Variants in SSPN observed in about 807,000 individuals in gnomAD.
SSPN encodes K-ras oncogene-associated protein.
SSPN carries 15 observed loss-of-function variants against 19.1 expected under a neutral mutation model. The ratio of observed to expected loss-of-function variants is 0.78; its 90% CI spans 0.52 to 1.21. The LOEUF is 1.21. SSPN is among the 50% of genes most tolerant of loss of function. The pLI is 0.00. For synonymous variants in SSPN, 147 were observed against 140.3 expected (o/e 1.05, Z -0.34); for missense variants, 291 against 314.0 (o/e 0.93, Z 0.55).
chr12:26,167,787 C>G (rs1317338973), intron 1 of SSPN, among the ~76,000 whole-genome samples: 1 of 152,198 alleles, frequency 6.6e-6, no homozygotes, highest in East Asian at 1.9e-4. Context: ...AGATACTGAA[C>G]ACCCTGTTCC....
intron 1 of SSPN, among the ~76,000 whole-genome samples, chr12:26,198,934 C>G (rs761472211): frequency 1.3e-4 from 20 of 152,216 alleles, no homozygotes; most frequent in Non-Finnish European, 2.4e-4. Context: ...ATCCCTGGGG[C>G]TGAGGCTGAG....
intron 1 of SSPN, among the ~76,000 whole-genome samples, chr12:26,132,223 G>A (rs776934385): frequency 3.9e-5 from 6 of 152,178 alleles, no homozygotes; most frequent in Non-Finnish European, 8.8e-5. Flanking sequence ...AAGCTGCCCT[G>A]TGTCTAGCAT....
intron 1 of SSPN, chr12:26,124,919 A>G: frequency 1.1e-6 from 1 of 881,064 alleles, no homozygotes; most frequent in Non-Finnish European, 1.9e-6. Flanking sequence ...TGCAGTGTTG[A>G]AAGTGTGAAG....
chr12:26,197,993 C>T (rs1944844747), intron 1 of SSPN, among the ~76,000 whole-genome samples: 2 of 152,200 alleles, frequency 1.3e-5, no homozygotes, highest in Admixed American at 1.3e-4. Context: ...CTCACACAGA[C>T]ACCATGCTCT....
chr12:26,123,643 A>T, intron 1 of SSPN: 1 of 1,613,090 alleles, frequency 6.2e-7, no homozygotes, highest in Non-Finnish European at 8.5e-7. Context: ...TCTGTAAAGC[A>T]ATTATCTTCT....
intron 1 of SSPN, among the ~76,000 whole-genome samples, chr12:26,201,874 A>G (rs1944888727): frequency 6.6e-6 from 1 of 152,188 alleles, no homozygotes; most frequent in South Asian, 2.1e-4. Context: ...TGTTGAACTG[A>G]AATCTATTTA....
intron 1 of SSPN, among the ~76,000 whole-genome samples, chr12:26,212,044 T>C (rs890488909): frequency 6.6e-6 from 1 of 152,148 alleles, no homozygotes; most frequent in African/African-American, 2.4e-5. Flanking sequence ...TGAGCAAAAT[T>C]TTCTTAAGAA....
chr12:26,181,032 G>A (rs1944715608), intron 1 of SSPN: 1 of 152,262 alleles, frequency 6.6e-6, no homozygotes, highest in Non-Finnish European at 1.5e-5. Flanking sequence ...GGAAGACAGT[G>A]TTAGAGGACA....
At chr12:26,136,567 A>AT (rs1422713689) in intron 1 of SSPN, among the ~76,000 whole-genome samples, 2 of 152,186 alleles carry the variant, frequency 1.3e-5, no homozygotes, top group Non-Finnish European at 1.5e-5. Flanking sequence ...TATTTTTCCC[A>AT]TTTGAGCTGC....
At chr12:26,174,916 T>A (rs1397633091) in intron 1 of SSPN, among the ~76,000 whole-genome samples, 1 of 152,224 alleles carries the variant, frequency 6.6e-6, no homozygotes, top group African/African-American at 2.4e-5. Flanking sequence ...TCACTAGATG[T>A]ATTTTTTTGT....
intron 1 of SSPN, among the ~76,000 whole-genome samples, chr12:26,203,525 A>T (rs190818915): frequency 4.6e-5 from 7 of 152,334 alleles, no homozygotes; most frequent in Admixed American, 1.3e-4. Context: ...CCTCTTTCAG[A>T]TGCTTTGGAT....
intron 1 of SSPN, among the ~76,000 whole-genome samples, chr12:26,146,278 G>A (rs912622281): frequency 6.6e-6 from 1 of 152,138 alleles, no homozygotes; most frequent in East Asian, 1.9e-4. Context: ...CACTTTCCAA[G>A]TTATGTGCAG....
intron 1 of SSPN, among the ~76,000 whole-genome samples, chr12:26,221,525 A>G (rs1307629416): frequency 6.6e-6 from 1 of 152,218 alleles, no homozygotes; most frequent in Non-Finnish European, 1.5e-5. Flanking sequence ...AATAAGTCAA[A>G]TGCTCTAGAA....
At chr12:26,206,955 C>T (rs1418739690) in intron 1 of SSPN, among the ~76,000 whole-genome samples, 1 of 152,162 alleles carries the variant, frequency 6.6e-6, no homozygotes, top group Non-Finnish European at 1.5e-5. Flanking sequence ...CCCCCAAGAG[C>T]TTAGTCTCTG....
At chr12:26,199,463 G>A (rs1276648351) in intron 1 of SSPN, among the ~76,000 whole-genome samples, 2 of 152,216 alleles carry the variant, frequency 1.3e-5, no homozygotes, top group Non-Finnish European at 2.9e-5. Flanking sequence ...ATTCTTTATA[G>A]ATGGTTTGAG....
At chr12:26,178,268 G>A (rs140845734) in intron 1 of SSPN, among the ~76,000 whole-genome samples, 120 of 152,244 alleles carry the variant, frequency 7.9e-4, no homozygotes, top group African/African-American at 2.8e-3. Context: ...TAACTTCTCC[G>A]TGTGCTTTGG....
At chr12:26,138,279 G>A (rs1479756101) in intron 1 of SSPN, among the ~76,000 whole-genome samples, 4 of 152,158 alleles carry the variant, frequency 2.6e-5, no homozygotes, top group Non-Finnish European at 5.9e-5. Context: ...TGGATACAGA[G>A]GGCCAACTGT....
intron 1 of SSPN, among the ~76,000 whole-genome samples, chr12:26,174,087 G>A (rs149031000): frequency 5.3e-5 from 8 of 152,242 alleles, no homozygotes; most frequent in East Asian, 3.9e-4. Flanking sequence ...CCAGGGTTTC[G>A]TCAGTCACCA....
intron 1 of SSPN, among the ~76,000 whole-genome samples, chr12:26,165,717 G>GTATAT (rs1944616671): frequency 6.6e-6 from 1 of 152,172 alleles, no homozygotes; most frequent in South Asian, 2.1e-4. Flanking sequence ...TAGTTTTACA[G>GTATAT]TCCACAAAAG....
Sources: allele counts gnomAD v4.1 joint callset (sites outside exome capture counted in the v4.1 genomes callset), GRCh38; gene constraint gnomAD v4.1.1; transcripts MANE v1.5; gene names NCBI Gene and HGNC (gene_info 2026-07-23, HGNC 2026-07-21).